Variants in SLC8A1 observed in about 807,000 individuals in gnomAD.
The protein encoded by SLC8A1 is sodium/calcium exchanger 1.
SLC8A1 carries 18 observed loss-of-function variants against 68.3 expected under a neutral mutation model. That is an observed-to-expected ratio of 0.26 (90% CI 0.18 to 0.39). The LOEUF is 0.39. Among genes scored for constraint, SLC8A1 ranks in the 10% least tolerant of loss-of-function variants. The probability of loss-of-function intolerance (pLI) is 1.00; values close to 1 mark genes in which losing one functional copy is unlikely to be tolerated. For missense variants in SLC8A1, 985 were observed against 1,156.7 expected (o/e 0.85, Z 2.15); for synonymous variants, 475 against 415.5 (o/e 1.14, Z -1.74).
intron 2 of SLC8A1, among the ~76,000 whole-genome samples, chr2:40,413,714 A>C (rs1311489828): frequency 6.6e-6 from 1 of 152,204 alleles, no homozygotes; most frequent in African/African-American, 2.4e-5. Context: ...AACGTCTTTA[A>C]GAGGGAGCTC....
At chr2:40,191,322 C>T (rs987975375) in intron 2 of SLC8A1, among the ~76,000 whole-genome samples, 1 of 152,064 alleles carries the variant, frequency 6.6e-6, no homozygotes, top group African/African-American at 2.4e-5. Context: ...TCTGGGTATT[C>T]CATTTAGCTT....
chr2:40,331,799 G>A (rs2076441400), intron 2 of SLC8A1, among the ~76,000 whole-genome samples: 1 of 151,870 alleles, frequency 6.6e-6, no homozygotes, highest in African/African-American at 2.4e-5. Flanking sequence ...TTGCCAGTTG[G>A]CCAGGCTGGT....
At chr2:40,177,327 C>T (rs1320390178) in intron 3 of SLC8A1, among the ~76,000 whole-genome samples, 1 of 152,144 alleles carries the variant, frequency 6.6e-6, no homozygotes, top group Admixed American at 6.5e-5. Context: ...TCTACTAATA[C>T]TAATAGGTAT....
At chr2:40,152,048 G>A (rs2043538119) in intron 6 of SLC8A1, among the ~76,000 whole-genome samples, 1 of 152,126 alleles carries the variant, frequency 6.6e-6, no homozygotes, top group Non-Finnish European at 1.5e-5. Flanking sequence ...AGCACCAAAT[G>A]TCTTAAGTGA....
chr2:40,315,671 C>T (rs1031163452), intron 2 of SLC8A1, among the ~76,000 whole-genome samples: 11 of 151,956 alleles, frequency 7.2e-5, no homozygotes, highest in Non-Finnish European at 1.2e-4. Context: ...ATGTCACTGT[C>T]TTGTCTGAAA....
At chr2:40,127,556 C>T (rs769791581) in intron 7 of SLC8A1, among the ~76,000 whole-genome samples, 26 of 152,068 alleles carry the variant, frequency 1.7e-4, no homozygotes, top group Non-Finnish European at 2.4e-4. Flanking sequence ...TGCTTTTTTG[C>T]GACTATAACT....
intron 2 of SLC8A1, among the ~76,000 whole-genome samples, chr2:40,246,948 A>G (rs1299887794): frequency 6.6e-6 from 1 of 152,218 alleles, no homozygotes; most frequent in African/African-American, 2.4e-5. Flanking sequence ...CTAAAAAAAA[A>G]AAGAATATTT....
At chr2:40,337,584 G>C (rs1666379138) in intron 2 of SLC8A1, among the ~76,000 whole-genome samples, 1 of 152,046 alleles carries the variant, frequency 6.6e-6, no homozygotes, top group Non-Finnish European at 1.5e-5. Context: ...ACTTGGTATG[G>C]ATTCATCTCC....
At chr2:40,297,136 A>C (rs1197829822) in intron 2 of SLC8A1, among the ~76,000 whole-genome samples, 1 of 152,162 alleles carries the variant, frequency 6.6e-6, no homozygotes, top group African/African-American at 2.4e-5. Flanking sequence ...TAGAAATTGA[A>C]ACTGGGTTCC....
In SLC8A1 at chr2:40,357,497, T is replaced by TAA. The variant is rs71406059; in HGVS notation, c.1808+70974_1808+70975dup. 2.7e-3 allele frequency among the ~76,000 whole-genome samples: 312 copies of TAA among 115,470 alleles called. 7 individuals carry two copies. Among genetic ancestry groups the TAA allele is most frequent in the African/African-American group, 6.0e-3 (180 of 30,210 alleles). 75.8% of individuals were successfully genotyped at this position (115,470 alleles called of 152,430 possible). The stretch of plus-strand genomic sequence containing the variant: ...GGGCAACAGAGCCAGACCCTGTCTT[T>TAA]AAAAAAAAAAAAAAAAAAAACACAA... On this transcript the variant is annotated intron_variant, in intron 2 of 7. Coordinates refer to ENST00000406785, the Ensembl canonical transcript of SLC8A1.
At chr2:40,231,715 T>C (rs934281355) in intron 2 of SLC8A1, among the ~76,000 whole-genome samples, 2 of 152,136 alleles carry the variant, frequency 1.3e-5, no homozygotes, top group Admixed American at 1.3e-4. Flanking sequence ...GACAAACTCC[T>C]CAGGTTAAGC....
chr2:40,182,878 C>T (rs989159313), intron 2 of SLC8A1, among the ~76,000 whole-genome samples: 1 of 152,070 alleles, frequency 6.6e-6, no homozygotes, highest in Non-Finnish European at 1.5e-5. Context: ...TAAGTCTGCC[C>T]TTGATGTTGG....
intron 2 of SLC8A1, among the ~76,000 whole-genome samples, chr2:40,325,354 C>G (rs2075690817): frequency 6.6e-6 from 1 of 152,108 alleles, no homozygotes; most frequent in East Asian, 1.9e-4. Context: ...GAAAAAGTCC[C>G]AGCCTGGCCC....
chr2:40,368,290 T>G (rs921219684), intron 2 of SLC8A1, among the ~76,000 whole-genome samples: 1 of 152,026 alleles, frequency 6.6e-6, no homozygotes. Flanking sequence ...TACAATAATA[T>G]CATAAAAGAT....
chr2:40,433,491 T>C (rs2149799315), intron 1 of SLC8A1, among the ~76,000 whole-genome samples: 1 of 152,294 alleles, frequency 6.6e-6, no homozygotes, highest in Non-Finnish European at 1.5e-5. Context: ...ATATCAATTA[T>C]ATTTAATATT....
At chr2:40,098,133 T>A (rs1009600247) in exon 8 of SLC8A1, 1 of 152,082 alleles carries the variant, frequency 6.6e-6, no homozygotes, top group Non-Finnish European at 1.5e-5. Context: ...TTCATACTTA[T>A]AGTCCTAAAG....
chr2:40,166,741 G>C (rs2046612244), intron 4 of SLC8A1, among the ~76,000 whole-genome samples: 1 of 152,178 alleles, frequency 6.6e-6, no homozygotes, highest in Non-Finnish European at 1.5e-5. Context: ...GATTACCACT[G>C]CTTTGTGATC....
exon 8 of SLC8A1, chr2:40,101,725 A>C (rs2033902507): frequency 6.6e-6 from 1 of 152,134 alleles, no homozygotes; most frequent in African/African-American, 2.4e-5. Flanking sequence ...GCAGTGGGTG[A>C]CATTGTTCAT....
At chr2:40,185,744 C>G (rs1207264009) in intron 2 of SLC8A1, among the ~76,000 whole-genome samples, 2 of 152,024 alleles carry the variant, frequency 1.3e-5, no homozygotes. Flanking sequence ...TGGTTGAATC[C>G]TATGTTATGT....
Sources: gnomAD v4.1 joint callset for allele counts (sites outside exome capture counted in the v4.1 genomes callset) on GRCh38, gnomAD v4.1.1 for gene constraint, MANE v1.5 for transcripts, NCBI Gene and HGNC (gene_info 2026-07-23, HGNC 2026-07-21) for gene names.